EIF2AK3: variants seen among roughly 807,000 people sequenced by gnomAD.
EIF2AK3 encodes the protein eukaryotic translation initiation factor 2-alpha kinase 3.
A neutral mutation model predicts 113.5 loss-of-function variants in EIF2AK3; 50 were observed. The observed-to-expected ratio is 0.44, with a 90% CI of 0.35 to 0.56. EIF2AK3 has a LOEUF of 0.56. Ranked by LOEUF, EIF2AK3 falls within the 20% of genes least tolerant of loss-of-function variation. EIF2AK3 has a pLI of 0.00. For missense variants in EIF2AK3, 1,185 were observed against 1,378.0 expected (o/e 0.86, Z 2.22); for synonymous variants, 448 against 495.4 (o/e 0.90, Z 1.27).
intron 14 of EIF2AK3, among the ~76,000 whole-genome samples, chr2:88,562,632 T>C (rs1307004607): frequency 6.6e-6 from 1 of 152,182 alleles, no homozygotes; most frequent in Non-Finnish European, 1.5e-5. Context: ...TATGCATCAG[T>C]AAAACAGGCC....
chr2:88,558,796 T>C (rs1323720257), intron 16 of EIF2AK3, 121 bp downstream of exon 16: 7 of 782,196 alleles, frequency 8.9e-6, no homozygotes, highest in African/African-American at 1.8e-5. Flanking sequence ...AGCAGGTCTC[T>C]TTCCTCTCTA....
At chr2:88,612,220 C>CTA (rs1169449505) in intron 2 of EIF2AK3, among the ~76,000 whole-genome samples, 2 of 152,012 alleles carry the variant, frequency 1.3e-5, no homozygotes, top group Non-Finnish European at 2.9e-5. Flanking sequence ...CTTTTTGTAC[C>CTA]TATATATATT....
rs70958959 is a variant in EIF2AK3 at position 88,608,882 on chromosome 2, ATT to A, written c.438+4840_438+4841del. Reference sequence around the variant, plus strand: ...GTCACCACACCTGGCTAATTTTTGTATTTTTTTTTTTTTTTTGTATTTTGTAT... The same window carrying A: ...GTCACCACACCTGGCTAATTTTTGTATTTTTTTTTTTTTTGTATTTTGTAT... On this transcript the variant is annotated intron_variant, in intron 2 of 16. Transcript: ENST00000303236. Among the ~76,000 whole-genome samples, 443 of 126,616 alleles carry A rather than the reference ATT, an allele frequency of 3.5e-3. 3 individuals carry two copies. The highest frequency in any genetic ancestry group is 8.3e-3 in the African/African-American group (273 of 32,950). 83.1% of individuals were successfully genotyped at this position (126,616 alleles called of 152,430 possible).
intron 9 of EIF2AK3, 42 bp downstream of exon 9, chr2:88,585,799 T>C (rs1418849926): frequency 1.3e-6 from 2 of 1,583,984 alleles, no homozygotes; most frequent in African/African-American, 2.7e-5. Flanking sequence ...AAATAGGAGG[T>C]GGGGAAGTGG....
intron 12 of EIF2AK3, 144 bp downstream of exon 12, chr2:88,576,410 G>T: frequency 8.4e-7 from 1 of 1,193,744 alleles, no homozygotes; most frequent in Non-Finnish European, 1.2e-6. Context: ...TTCACAAGTG[G>T]CTAGAGAACT....
At chr2:88,561,478 A>T (rs1429165022) in intron 15 of EIF2AK3, among the ~76,000 whole-genome samples, 1 of 151,440 alleles carries the variant, frequency 6.6e-6, no homozygotes, top group Non-Finnish European at 1.5e-5. Context: ...AGCCAGGATG[A>T]TCTTGATCTC....
chr2:88,558,894 TA>T (rs1321087231), intron 16 of EIF2AK3, 22 bp downstream of exon 16: 1 of 1,552,368 alleles, frequency 6.4e-7, no homozygotes, highest in Non-Finnish European at 8.9e-7. Context: ...CTAAAGAAGA[TA>T]AAAGATGAGA....
chr2:88,605,131 T>G (rs923553705), intron 2 of EIF2AK3, among the ~76,000 whole-genome samples: 16 of 152,220 alleles, frequency 1.1e-4, no homozygotes, highest in Non-Finnish European at 1.8e-4. Context: ...CAGGGCTGCT[T>G]ACTTTGAACT....
chr2:88,618,403 T>A (rs1445770889), intron 1 of EIF2AK3, among the ~76,000 whole-genome samples: 1 of 152,182 alleles, frequency 6.6e-6, no homozygotes, highest in Non-Finnish European at 1.5e-5. Context: ...TGGGTGTACA[T>A]CCCCAAGGCT....
In EIF2AK3 at chr2:88,570,886, C is replaced by G. The variant is rs200538775; in HGVS notation, c.2973G>C (p.Met991Ile). 3.3e-5 allele frequency: 54 copies of G among 1,614,148 alleles called. No individual in the cohort carries two copies. The highest frequency in any genetic ancestry group is 4.6e-5 in the Non-Finnish European group (54 of 1,180,024). The change falls in exon 14 of 17, where the codon ATG (methionine) becomes ATC (isoleucine). Residue 991 changes from methionine to isoleucine, a missense_variant. Transcript: ENST00000303236. Reference sequence around the variant, plus strand: ...CTGAAAAACTCACCTGCTCTGGGCTCATATACAGTTTGGTCCCTACTTGTC... The same window carrying G: ...CTGAAAAACTCACCTGCTCTGGGCTGATATACAGTTTGGTCCCTACTTGTC... ...HTGQVGTKLYMSPEQIHGNSY... is the reference protein window; with the variant it reads ...HTGQVGTKLYISPEQIHGNSY...
At chr2:88,599,235 G>GT (rs1675094246) in intron 2 of EIF2AK3, among the ~76,000 whole-genome samples, 2 of 152,202 alleles carry the variant, frequency 1.3e-5, no homozygotes, top group African/African-American at 2.4e-5. Flanking sequence ...TTGATTTTCA[G>GT]TAAGTTCTCA....
intron 3 of EIF2AK3, among the ~76,000 whole-genome samples, chr2:88,594,303 G>A (rs1004535727): frequency 1.9e-4 from 29 of 152,200 alleles, no homozygotes; most frequent in African/African-American, 6.3e-4. Context: ...AGTGATTCTC[G>A]TACCTCAGCC....
chr2:88,590,708 G>T, intron 5 of EIF2AK3, 103 bp from the exon 6 acceptor site: 1 of 1,567,588 alleles, frequency 6.4e-7, no homozygotes, highest in Non-Finnish European at 8.8e-7. Context: ...AAAGCACAGA[G>T]AACAAGCTGA....
At chr2:88,576,359 C>A (rs1455641603) in intron 12 of EIF2AK3, among the ~76,000 whole-genome samples, 195 bp downstream of exon 12, 1 of 152,008 alleles carries the variant, frequency 6.6e-6, no homozygotes, top group Non-Finnish European at 1.5e-5. Flanking sequence ...GGATTACAGG[C>A]ATGAGTCACC....
intron 2 of EIF2AK3, among the ~76,000 whole-genome samples, chr2:88,600,861 A>G (rs929979350): frequency 6.6e-6 from 1 of 152,088 alleles, no homozygotes; most frequent in Non-Finnish European, 1.5e-5. Context: ...ATTCTTCCCT[A>G]TTTTTCTATG....
intron 15 of EIF2AK3, among the ~76,000 whole-genome samples, chr2:88,561,901 G>C (rs1466040166): frequency 1.3e-5 from 2 of 152,166 alleles, no homozygotes; most frequent in Non-Finnish European, 2.9e-5. Context: ...TTTAAAGGCT[G>C]TGGTCATGGT....
rs578060337 is a variant in EIF2AK3, at chr2:88,601,299, A to G, written c.439-5636T>C. Among the ~76,000 whole-genome samples, 8 of 152,222 alleles carry G rather than the reference A, an allele frequency of 5.3e-5. No individual in the cohort carries two copies. In the South Asian group the frequency reaches 1.0e-3, roughly 20 times the overall value. On this transcript the variant is annotated intron_variant, in intron 2 of 16. Coordinates refer to ENST00000303236, the MANE Select transcript of EIF2AK3 (RefSeq NM_004836.7). ...CATTTAACTTGTTCCTTTATTTCCT[A>G]TATTTCCTGAAAAGTATGATTAGAC... is the stretch of plus-strand genomic sequence containing the variant.
chr2:88,560,487 A>C (rs1673919870), intron 15 of EIF2AK3, among the ~76,000 whole-genome samples: 1 of 152,124 alleles, frequency 6.6e-6, no homozygotes, highest in African/African-American at 2.4e-5. Context: ...ATCATAGCTT[A>C]CTGTAGCCGT....
chr2:88,592,515 G>T (rs1237887288), intron 4 of EIF2AK3, among the ~76,000 whole-genome samples: 3 of 152,130 alleles, frequency 2.0e-5, no homozygotes, highest in Non-Finnish European at 4.4e-5. Flanking sequence ...TGTAATCCTA[G>T]CACTTTGGGA....
Sources: gnomAD v4.1 joint callset for allele counts (sites outside exome capture counted in the v4.1 genomes callset) on GRCh38, gnomAD v4.1.1 for gene constraint, MANE v1.5 for transcripts, NCBI Gene and HGNC (gene_info 2026-07-23, HGNC 2026-07-21) for gene names.